The following SDK1 variants were observed in gnomAD, a reference collection of about 807,000 sequenced individuals.
SDK1 encodes the protein sidekick cell adhesion molecule 1, also known as protein sidekick-1.
SDK1 carries 157 observed loss-of-function variants against 245.5 expected under a neutral mutation model. The ratio of observed to expected loss-of-function variants is 0.64; its 90% CI spans 0.56 to 0.73. The LOEUF (loss-of-function observed/expected upper bound fraction) is 0.73, where lower values mean the gene tolerates loss of function less well. Among genes scored for constraint, SDK1 ranks in the 30% least tolerant of loss-of-function variants. The pLI is 0.00. For synonymous variants in SDK1, 1,647 were observed against 1,278.5 expected, an observed-to-expected ratio of 1.29 and a Z score of -6.15; for missense variants, 3,583 against 3,002.3, an observed-to-expected ratio of 1.19 and a Z score of -4.52.
chr7:3,456,575 CTTCTAG>C (rs1444516679), intron 1 of SDK1, among the ~76,000 whole-genome samples: 3 of 152,188 alleles, frequency 2.0e-5, no homozygotes, highest in East Asian at 1.9e-4. Flanking sequence ...AAAAAAATAA[CTTCTAG>C]TTCTAGATTT....
intron 4 of SDK1, among the ~76,000 whole-genome samples, chr7:3,693,906 G>C (rs1583314515): frequency 6.6e-6 from 1 of 152,114 alleles, no homozygotes; most frequent in South Asian, 2.1e-4. Context: ...CCTTGACCCT[G>C]ACCTCTGCCC....
At chr7:4,255,817 C>A (rs1787586000) in intron 44 of SDK1, among the ~76,000 whole-genome samples, 1 of 152,030 alleles carries the variant, frequency 6.6e-6, no homozygotes, top group South Asian at 2.1e-4. Context: ...ATGGCTCAAG[C>A]ACCACAGACT....
intron 1 of SDK1, among the ~76,000 whole-genome samples, chr7:3,348,599 A>C (rs574353059): frequency 7.9e-5 from 12 of 152,276 alleles, no homozygotes; most frequent in African/African-American, 2.4e-4. Flanking sequence ...GTTGGGTACT[A>C]TGCCCACTAC....
At chr7:3,622,000 G>C (rs1196599383) in intron 2 of SDK1, among the ~76,000 whole-genome samples, 4 of 152,082 alleles carry the variant, frequency 2.6e-5, no homozygotes, top group African/African-American at 9.7e-5. Context: ...GCTTTGTGTT[G>C]GATGATTTTG....
At chr7:3,431,759 C>A (rs1380905139) in intron 1 of SDK1, among the ~76,000 whole-genome samples, 1 of 152,074 alleles carries the variant, frequency 6.6e-6, no homozygotes, top group East Asian at 1.9e-4. Flanking sequence ...AGGACCTTAA[C>A]CTCTGTCTAT....
intron 1 of SDK1, among the ~76,000 whole-genome samples, chr7:3,513,220 G>A (rs1008567594): frequency 3.3e-5 from 5 of 152,144 alleles, no homozygotes; most frequent in African/African-American, 1.2e-4. Context: ...ACTGTGGGTG[G>A]ACTTAGGACA....
chr7:3,606,232 C>G (rs528398569), intron 1 of SDK1, among the ~76,000 whole-genome samples: 1 of 152,166 alleles, frequency 6.6e-6, no homozygotes, highest in East Asian at 1.9e-4. Context: ...TCTTCTTTTT[C>G]TCTTATGCTT....
At chr7:3,779,688 T>C (rs1162881783) in intron 4 of SDK1, among the ~76,000 whole-genome samples, 2 of 151,434 alleles carry the variant, frequency 1.3e-5, no homozygotes, top group African/African-American at 2.4e-5. Flanking sequence ...ATCCCAGCAC[T>C]TTGGGAGGCC....
At chr7:4,137,773 G>A (rs982995104) in intron 28 of SDK1, among the ~76,000 whole-genome samples, 3 of 152,200 alleles carry the variant, frequency 2.0e-5, no homozygotes, top group African/African-American at 7.2e-5. Context: ...TTGCGTCGCT[G>A]AAGTGCAGCG....
At chr7:3,506,701 C>T (rs1039754367) in intron 1 of SDK1, among the ~76,000 whole-genome samples, 2 of 152,144 alleles carry the variant, frequency 1.3e-5, no homozygotes, top group Admixed American at 1.3e-4. Flanking sequence ...TATTCAGATT[C>T]ACTGATCTTT....
At chr7:4,077,321 T>C (rs1006741754) in intron 21 of SDK1, 132 bp downstream of exon 21, 7 of 824,612 alleles carry the variant, frequency 8.5e-6, no homozygotes, top group Non-Finnish European at 3.8e-6. Flanking sequence ...CCTGCCAAGA[T>C]GCTGGAGGGT....
chr7:3,691,504 A>G (rs1443458897), intron 4 of SDK1, among the ~76,000 whole-genome samples: 1 of 152,066 alleles, frequency 6.6e-6, no homozygotes, highest in East Asian at 1.9e-4. Flanking sequence ...AAAGTAGGAT[A>G]CTCTCTCCCC....
intron 22 of SDK1, among the ~76,000 whole-genome samples, chr7:4,085,686 C>G (rs1398320545): frequency 6.6e-6 from 1 of 152,154 alleles, no homozygotes; most frequent in African/African-American, 2.4e-5. Flanking sequence ...TCCTGAGTAG[C>G]TGGGATTACA....
At chr7:3,576,799 A>G (rs990952610) in intron 1 of SDK1, among the ~76,000 whole-genome samples, 4 of 152,056 alleles carry the variant, frequency 2.6e-5, no homozygotes, top group Admixed American at 6.6e-5. Context: ...TCCTTGATTC[A>G]GGCAGAAGGT....
chr7:4,123,811 C>T (rs1212986331), intron 25 of SDK1, among the ~76,000 whole-genome samples: 1 of 152,244 alleles, frequency 6.6e-6, no homozygotes, highest in Non-Finnish European at 1.5e-5. Context: ...CACTGACCTA[C>T]ACCCAGCAGC....
chr7:4,169,026 A>G (rs666035), intron 32 of SDK1, among the ~76,000 whole-genome samples: 19,243 of 152,232 alleles, frequency 0.13, 1,312 homozygotes, highest in Non-Finnish European at 0.14. Flanking sequence ...GTGCGCAGGC[A>G]TGTGCTGGGT....
At chr7:3,925,526 T>G (rs1221743513) in intron 5 of SDK1, among the ~76,000 whole-genome samples, 1 of 152,044 alleles carries the variant, frequency 6.6e-6, no homozygotes, top group Non-Finnish European at 1.5e-5. Context: ...AGATACAGAG[T>G]GGAGACAGAT....
chr7:3,667,818 T>C (rs572935540), intron 4 of SDK1, among the ~76,000 whole-genome samples: 32 of 152,378 alleles, frequency 2.1e-4, no homozygotes, highest in Non-Finnish European at 4.0e-4. Context: ...ATTGTGTGCA[T>C]GTACCACAGC....
At chr7:3,769,062 T>G (rs1489409498) in intron 4 of SDK1, among the ~76,000 whole-genome samples, 1 of 152,202 alleles carries the variant, frequency 6.6e-6, no homozygotes, top group African/African-American at 2.4e-5. Context: ...TTTTTTACAG[T>G]AGAGCTTTTT....
Sources: gnomAD v4.1 joint callset for allele counts (sites outside exome capture counted in the v4.1 genomes callset) on GRCh38, gnomAD v4.1.1 for gene constraint, MANE v1.5 for transcripts, NCBI Gene and HGNC (gene_info 2026-07-23, HGNC 2026-07-21) for gene names.